Variants in GPC5 observed in about 807,000 individuals in gnomAD.
GPC5 encodes glypican 5, also known as glypican-5.
GPC5 carries 47 observed loss-of-function variants against 53.9 expected under a neutral mutation model. That is an observed-to-expected ratio of 0.87 (90% CI 0.69 to 1.11). The LOEUF (loss-of-function observed/expected upper bound fraction) is 1.11. Ranked by LOEUF, GPC5 falls within the 50% of genes most tolerant of loss-of-function variation. The pLI, the probability that GPC5 is intolerant of heterozygous loss-of-function variation, is 0.00. For missense variants in GPC5, 748 were observed against 713.1 expected (o/e 1.05, Z -0.56); for synonymous variants, 286 against 263.3 (o/e 1.09, Z -0.84).
chr13:91,473,282 T>C (rs1190028207), intron 2 of GPC5, among the ~76,000 whole-genome samples: 1 of 152,028 alleles, frequency 6.6e-6, no homozygotes, highest in African/African-American at 2.4e-5. Context: ...AGATGAGATT[T>C]GGGTGGGGAC....
intron 2 of GPC5, among the ~76,000 whole-genome samples, chr13:91,581,790 C>A (rs72641444): frequency 0.066 from 10,042 of 152,002 alleles, 367 homozygotes; most frequent in Non-Finnish European, 0.085. Flanking sequence ...TTCTCTCTGT[C>A]TCACACACAC....
intron 2 of GPC5, among the ~76,000 whole-genome samples, chr13:91,617,290 G>C (rs1594337202): frequency 1.3e-5 from 2 of 152,218 alleles, no homozygotes; most frequent in South Asian, 4.1e-4. Flanking sequence ...GCATAGGCTG[G>C]GGGGAAGACC....
intron 5 of GPC5, among the ~76,000 whole-genome samples, chr13:91,869,029 TTTTGTTTTGTTTCG>T (rs1235921494): frequency 6.6e-6 from 1 of 151,702 alleles, no homozygotes; most frequent in African/African-American, 2.4e-5. Flanking sequence ...TGGTGTTGTT[TTTTGTTTTGTTTCG>T]TTTGTTTTGT....
chr13:92,647,832 T>G (rs1885824540), intron 7 of GPC5, among the ~76,000 whole-genome samples: 1 of 152,206 alleles, frequency 6.6e-6, no homozygotes, highest in East Asian at 1.9e-4. Context: ...TATATATTTT[T>G]CATTCATTCA....
chr13:91,658,379 G>A (rs755192198), intron 2 of GPC5, among the ~76,000 whole-genome samples: 7 of 141,456 alleles, frequency 4.9e-5, no homozygotes, highest in Non-Finnish European at 1.0e-4. Context: ...TCATATTTTG[G>A]GGGAATTTTT....
chr13:92,600,067 GC>G (rs1294862104), intron 7 of GPC5, among the ~76,000 whole-genome samples: 7 of 152,122 alleles, frequency 4.6e-5, no homozygotes, highest in Admixed American at 2.6e-4. Flanking sequence ...TATTACTCTA[GC>G]TATCATGGCT....
intron 3 of GPC5, among the ~76,000 whole-genome samples, chr13:91,706,665 T>A (rs1414754176): frequency 6.6e-6 from 1 of 152,106 alleles, no homozygotes; most frequent in Admixed American, 6.5e-5. Context: ...GAAACTTGAA[T>A]TCATTTAACT....
intron 7 of GPC5, among the ~76,000 whole-genome samples, chr13:92,571,796 T>C (rs1566299085): frequency 6.6e-6 from 1 of 152,154 alleles, no homozygotes; most frequent in Non-Finnish European, 1.5e-5. Context: ...CCCAGCACTT[T>C]GGGAGGCGAA....
intron 3 of GPC5, among the ~76,000 whole-genome samples, chr13:91,704,661 T>A (rs186546806): frequency 6.6e-6 from 1 of 152,174 alleles, no homozygotes; most frequent in African/African-American, 2.4e-5. Context: ...TCACTCAAGA[T>A]GGGACAAGGA....
intron 1 of GPC5, among the ~76,000 whole-genome samples, chr13:91,400,863 G>A (rs1278838916): frequency 6.6e-6 from 1 of 152,176 alleles, no homozygotes; most frequent in African/African-American, 2.4e-5. Flanking sequence ...GGATGTCAGG[G>A]AAAACTAAAG....
At chr13:92,242,252 A>G (rs973742141) in intron 7 of GPC5, among the ~76,000 whole-genome samples, 1 of 150,750 alleles carries the variant, frequency 6.6e-6, no homozygotes, top group Non-Finnish European at 1.5e-5. Context: ...AAAAAAAAAA[A>G]TTATTCAGTT....
intron 6 of GPC5, among the ~76,000 whole-genome samples, chr13:92,103,914 G>T (rs1214346199): frequency 6.6e-6 from 1 of 152,104 alleles, no homozygotes; most frequent in South Asian, 2.1e-4. Flanking sequence ...GCTTTTCAAA[G>T]CCCCACATGG....
chr13:92,238,323 T>C (rs994521601), intron 7 of GPC5, among the ~76,000 whole-genome samples: 1 of 151,974 alleles, frequency 6.6e-6, no homozygotes, highest in African/African-American at 2.4e-5. Context: ...AAGAAATGTA[T>C]AGTGTTCCAA....
chr13:92,562,283 T>C (rs1213745947), intron 7 of GPC5, among the ~76,000 whole-genome samples: 2 of 152,048 alleles, frequency 1.3e-5, no homozygotes, highest in Non-Finnish European at 2.9e-5. Flanking sequence ...CACCACTTCC[T>C]TCTTGTGGCA....
chr13:92,355,699 A>G (rs938781159), intron 7 of GPC5, among the ~76,000 whole-genome samples: 2 of 152,106 alleles, frequency 1.3e-5, no homozygotes, highest in African/African-American at 2.4e-5. Flanking sequence ...CTTGTCCCCC[A>G]TTAACATCAA....
chr13:91,417,722 C>T (rs923178280), intron 1 of GPC5, among the ~76,000 whole-genome samples: 11 of 150,408 alleles, frequency 7.3e-5, no homozygotes, highest in African/African-American at 2.4e-4. Context: ...GAGTCCATAA[C>T]GAAAGTTCTT....
intron 7 of GPC5, among the ~76,000 whole-genome samples, chr13:92,561,472 C>A (rs902440480): frequency 2.6e-5 from 4 of 151,952 alleles, no homozygotes; most frequent in Admixed American, 6.6e-5. Context: ...CCCAATAGAA[C>A]CTTTCTCCTG....
At chr13:92,640,000 C>T (rs1359792057) in intron 7 of GPC5, among the ~76,000 whole-genome samples, 1 of 151,740 alleles carries the variant, frequency 6.6e-6, no homozygotes, top group Non-Finnish European at 1.5e-5. Context: ...CACTCTCTCT[C>T]ACTCTCCCTT....
intron 7 of GPC5, chr13:92,701,561 C>A (rs1051962280): frequency 7.2e-5 from 11 of 152,074 alleles, no homozygotes; most frequent in African/African-American, 2.7e-4. Flanking sequence ...GCCCCAACCA[C>A]CTGCAGGAGT....
Sources: gnomAD v4.1 joint callset for allele counts (sites outside exome capture counted in the v4.1 genomes callset) on GRCh38, gnomAD v4.1.1 for gene constraint, MANE v1.5 for transcripts, NCBI Gene and HGNC (gene_info 2026-07-23, HGNC 2026-07-21) for gene names.